Variants in TENM4 observed in about 807,000 individuals in gnomAD.
The protein encoded by TENM4 is teneurin transmembrane protein 4, also known as teneurin-4.
Under a neutral mutation model 243.3 loss-of-function variants are expected in TENM4, and 82 were observed. The ratio of observed to expected loss-of-function variants is 0.34; its 90% CI spans 0.28 to 0.40. TENM4 has a LOEUF of 0.40. Ranked by LOEUF, TENM4 falls within the 10% of genes least tolerant of loss-of-function variation. The probability of loss-of-function intolerance (pLI) is 1.00; values close to 1 mark genes in which losing one functional copy is unlikely to be tolerated. For synonymous variants in TENM4, 1,412 were observed against 1,456.3 expected (o/e 0.97, Z 0.69); for missense variants, 3,138 against 3,673.3 (o/e 0.85, Z 3.77).
intron 6 of TENM4, among the ~76,000 whole-genome samples, chr11:79,003,935 G>A (rs1194025477): frequency 6.9e-6 from 1 of 145,500 alleles, no homozygotes; most frequent in Non-Finnish European, 1.5e-5. Flanking sequence ...AAGGAATGGA[G>A]AAAAATCTAG....
chr11:78,967,958 T>A (rs578096280), intron 6 of TENM4, among the ~76,000 whole-genome samples: 4 of 152,314 alleles, frequency 2.6e-5, no homozygotes, highest in African/African-American at 9.6e-5. Flanking sequence ...CCAAATCTCA[T>A]GTTGGAATGT....
chr11:79,138,729 TATAAATA>T, intron 4 of TENM4, among the ~76,000 whole-genome samples: 1 of 111,464 alleles, frequency 9.0e-6, no homozygotes, highest in Non-Finnish European at 1.7e-5. Context: ...ATTATATTTA[TATAAATA>T]CATAAAACAT....
chr11:79,060,239 C>T (rs1047557735), intron 6 of TENM4, among the ~76,000 whole-genome samples: 1 of 152,224 alleles, frequency 6.6e-6, no homozygotes, highest in African/African-American at 2.4e-5. Flanking sequence ...GAGGAGAGGC[C>T]TGAGGGCTGG....
intron 6 of TENM4, among the ~76,000 whole-genome samples, chr11:78,962,422 G>A (rs1041222892): frequency 4.0e-5 from 6 of 150,856 alleles, no homozygotes; most frequent in Admixed American, 1.3e-4. Context: ...CACGGGGAGG[G>A]GGAGGGAGCA....
intron 6 of TENM4, among the ~76,000 whole-genome samples, chr11:78,904,281 A>G (rs1312816670): frequency 6.7e-6 from 1 of 148,336 alleles, no homozygotes; most frequent in African/African-American, 2.5e-5. Context: ...AATGGCGTGA[A>G]CCTGGGAGGC....
At chr11:78,814,065 C>T (rs1384627030) in intron 13 of TENM4, among the ~76,000 whole-genome samples, 1 of 152,100 alleles carries the variant, frequency 6.6e-6, no homozygotes, top group Non-Finnish European at 1.5e-5. Context: ...GTGAATTCAC[C>T]CTCCCTTCCT....
intron 3 of TENM4, among the ~76,000 whole-genome samples, chr11:79,211,349 A>G (rs987315609): frequency 1.3e-5 from 2 of 152,060 alleles, no homozygotes; most frequent in East Asian, 1.9e-4. Context: ...TTCACGGTTG[A>G]CTTCCTCCTC....
chr11:78,893,810 T>G (rs1307506129), intron 7 of TENM4, among the ~76,000 whole-genome samples: 1 of 70,304 alleles, frequency 1.4e-5, no homozygotes, highest in Non-Finnish European at 2.7e-5. Context: ...CTCCTCTCTT[T>G]CTCTCTCTCT....
At chr11:79,150,429 T>A (rs1862482462) in intron 3 of TENM4, among the ~76,000 whole-genome samples, 1 of 152,106 alleles carries the variant, frequency 6.6e-6, no homozygotes, top group South Asian at 2.1e-4. Context: ...AATTTCTTCA[T>A]CTAGCAAACA....
At chr11:79,416,221 T>C (rs765368663) in intron 1 of TENM4, among the ~76,000 whole-genome samples, 2 of 152,182 alleles carry the variant, frequency 1.3e-5, no homozygotes, top group South Asian at 2.1e-4. Context: ...GGTCTTTGTA[T>C]CTCAATACGC....
chr11:78,671,742 G>T (rs1343628189), intron 31 of TENM4, among the ~76,000 whole-genome samples: 1 of 152,272 alleles, frequency 6.6e-6, no homozygotes, highest in Non-Finnish European at 1.5e-5. Flanking sequence ...CCCTTGGCCT[G>T]GGTCTGAACC....
intron 6 of TENM4, among the ~76,000 whole-genome samples, chr11:78,960,767 G>T (rs138562930): frequency 6.6e-6 from 1 of 152,152 alleles, no homozygotes; most frequent in Non-Finnish European, 1.5e-5. Context: ...TGCCACCTTC[G>T]GCTATAATGA....
intron 7 of TENM4, among the ~76,000 whole-genome samples, chr11:78,896,045 AC>A (rs919208058): frequency 1.3e-5 from 2 of 152,136 alleles, no homozygotes; most frequent in African/African-American, 4.8e-5. Flanking sequence ...GGCTGAGCTC[AC>A]CTCTCAAGGG....
rs182552001 is a variant in TENM4, at chr11:78,727,304, G to A, written c.3407-1082C>T. Among the ~76,000 whole-genome samples the A allele has an allele frequency of 1.6e-4, 25 of 152,092 alleles. No individual in the cohort carries two copies. The East Asian group carries it at 3.1e-3, about 19-fold the overall frequency. On this transcript the variant is annotated intron_variant, in intron 22 of 33. Coordinates refer to ENST00000278550, the MANE Select transcript of TENM4 (RefSeq NM_001098816.3). ...TCTACTAAAAATACAAAAATTAGCC[G>A]GGTGTGGTGGTGGGCGCCTGTAGTC...
At chr11:79,162,461 CTGT>C (rs1862768939) in intron 3 of TENM4, among the ~76,000 whole-genome samples, 1 of 104,170 alleles carries the variant, frequency 9.6e-6, no homozygotes. Context: ...AAAGTATTTG[CTGT>C]TATTATTTAT....
At chr11:79,370,195 A>G (rs1221454987) in intron 1 of TENM4, among the ~76,000 whole-genome samples, 1 of 152,238 alleles carries the variant, frequency 6.6e-6, no homozygotes, top group African/African-American at 2.4e-5. Context: ...TCCTGCTCAC[A>G]GGCCATGGAG....
At chr11:79,305,676 G>A (rs1362070889) in intron 1 of TENM4, among the ~76,000 whole-genome samples, 2 of 152,324 alleles carry the variant, frequency 1.3e-5, no homozygotes, top group Admixed American at 6.5e-5. Context: ...CTAGCAATGC[G>A]GTCATCCACC....
intron 2 of TENM4, among the ~76,000 whole-genome samples, chr11:79,294,276 A>T (rs1856408397): frequency 6.6e-6 from 1 of 152,236 alleles, no homozygotes. Flanking sequence ...GGATAATCAC[A>T]AATCATCCCT....
At chr11:78,879,679 C>T (rs529285880) in intron 9 of TENM4, among the ~76,000 whole-genome samples, 4 of 148,804 alleles carry the variant, frequency 2.7e-5, no homozygotes, top group African/African-American at 5.0e-5. Context: ...AGGTGAGGAG[C>T]GCCTCTACCT....
Sources: allele counts gnomAD v4.1 joint callset (sites outside exome capture counted in the v4.1 genomes callset), GRCh38; gene constraint gnomAD v4.1.1; transcripts MANE v1.5; gene names NCBI Gene and HGNC (gene_info 2026-07-23, HGNC 2026-07-21).